EIF4EBP2: variants seen among roughly 807,000 people sequenced by gnomAD.
EIF4EBP2 encodes eukaryotic translation initiation factor 4E binding protein 2.
In EIF4EBP2, 5 loss-of-function variants were observed where a neutral mutation model predicts 10.3. That is an observed-to-expected ratio of 0.48 (90% CI 0.25 to 1.02). The LOEUF is 1.02. EIF4EBP2 is among the 50% of genes least tolerant of loss of function. The pLI is 0.15. For synonymous variants in EIF4EBP2, 67 were observed against 61.1 expected, an observed-to-expected ratio of 1.10 and a Z score of -0.45; for missense variants, 188 against 162.2, an observed-to-expected ratio of 1.16 and a Z score of -0.86.
At chr10:70,407,022 C>T (rs912532665) in intron 1 of EIF4EBP2, among the ~76,000 whole-genome samples, 17 of 152,216 alleles carry the variant, frequency 1.1e-4, no homozygotes, top group African/African-American at 3.6e-4. Context: ...CTCAGCCTCC[C>T]GAGTAGCTGG....
intron 1 of EIF4EBP2, among the ~76,000 whole-genome samples, chr10:70,406,619 A>G (rs1308163174): frequency 6.6e-6 from 1 of 152,240 alleles, no homozygotes; most frequent in East Asian, 1.9e-4. Flanking sequence ...AAATAAGGGC[A>G]TAGTCTTTAA....
rs991299871 is a variant in EIF4EBP2 at position 70,428,378 on chromosome 10, TCTTCC to T, written c.*6635_*6639del. Reference sequence around the variant, plus strand: ...CGGAGACTGCCAGCACTTTCCTTGGTCTTCCCTTTGTCTCCCATGATGTGTTGTTC... The same window carrying T: ...CGGAGACTGCCAGCACTTTCCTTGGTCTTTGTCTCCCATGATGTGTTGTTC... On this transcript the variant is annotated 3_prime_UTR_variant, in exon 3 of 3. Transcript: ENST00000373218. The T allele has an allele frequency of 4.9e-4, 75 of 152,282 alleles. No individual in the cohort carries two copies. Among genetic ancestry groups the T allele is most frequent in the African/African-American group, 1.7e-3 (72 of 41,544 alleles). The allele number at this position is 152,282 out of a possible 1,614,324, so 9.4% of individuals were successfully genotyped here.
At chr10:70,407,087 T>G (rs1045156585) in intron 1 of EIF4EBP2, among the ~76,000 whole-genome samples, 1 of 151,346 alleles carries the variant, frequency 6.6e-6, no homozygotes, top group African/African-American at 2.4e-5. Context: ...TTAGTAGAGA[T>G]AGGGTTTCAC....
At chr10:70,421,383 C>G (rs772541606) in intron 2 of EIF4EBP2, among the ~76,000 whole-genome samples, 2 of 152,114 alleles carry the variant, frequency 1.3e-5, no homozygotes, top group Non-Finnish European at 2.9e-5. Context: ...GGAGCAGGGC[C>G]AAAGTCCAAA....
chr10:70,404,656 C>G (rs1564659403), intron 1 of EIF4EBP2, 110 bp downstream of exon 1: 7 of 1,332,582 alleles, frequency 5.3e-6, no homozygotes, highest in Middle Eastern at 5.5e-4. Context: ...CCACCGAAGC[C>G]CCGGGGACGC....
rs752921456 is a variant in EIF4EBP2 at position 70,426,866 on chromosome 10, C to T, written c.*5119C>T. On this transcript the variant is annotated 3_prime_UTR_variant, in exon 3 of 3. Transcript: ENST00000373218. Reference sequence around the variant, plus strand: ...AGCTCAAACACCATTAGTTAAATTCCTTCATTCTCATTAGAATGCAGCCTG... The same window carrying T: ...AGCTCAAACACCATTAGTTAAATTCTTTCATTCTCATTAGAATGCAGCCTG... 7 of 152,206 alleles carry T rather than the reference C, an allele frequency of 4.6e-5. No individual in the cohort carries two copies. The highest frequency in any genetic ancestry group is 1.0e-4 in the Non-Finnish European group (7 of 68,040). 9.4% of individuals were successfully genotyped at this position (152,206 alleles called of 1,614,324 possible).
chr10:70,411,250 G>A (rs896158960), intron 1 of EIF4EBP2, among the ~76,000 whole-genome samples: 3 of 152,052 alleles, frequency 2.0e-5, no homozygotes, highest in Non-Finnish European at 2.9e-5. Flanking sequence ...CGCAGCCTCC[G>A]GCAGCTAATC....
rs1845188570 is a variant in EIF4EBP2 at position 70,424,535 on chromosome 10, C to T, written c.*2788C>T. The stretch of plus-strand genomic sequence containing the variant: ...GAGTCCATTGAGTGGTTTACCTCTG[C>T]ATGTTTGGAGGGAACCTCACAGATG... On this transcript the variant is annotated 3_prime_UTR_variant, in exon 3 of 3. Transcript: ENST00000373218. 3 of 152,202 alleles carry T rather than the reference C, an allele frequency of 2.0e-5. No individual in the cohort carries two copies. The South Asian group carries it at 6.2e-4, about 32-fold the overall frequency. 9.4% of individuals were successfully genotyped at this position (152,202 alleles called of 1,614,324 possible). A position where few individuals can be genotyped will look rare whatever the true frequency, so the allele number is the denominator to read the frequency against.
chr10:70,408,506 G>C (rs1467402724), intron 1 of EIF4EBP2, among the ~76,000 whole-genome samples: 1 of 152,194 alleles, frequency 6.6e-6, no homozygotes, highest in Non-Finnish European at 1.5e-5. Context: ...TTACAGCAAT[G>C]AATACTGTTT....
chr10:70,404,300 G>A lies in EIF4EBP2; in HGVS notation c.-102G>A, dbSNP rs1422447088. On this transcript the variant is annotated 5_prime_UTR_variant, in exon 1 of 3. Coordinates refer to ENST00000373218, the MANE Select transcript of EIF4EBP2 (RefSeq NM_004096.5). ...GAACGGGAGGAAGCGAGCGAGGAGC[G>A]CGCAGAGCGCGCTTTTCCGTCCGCC... 7.3e-6 allele frequency: 10 copies of A among 1,376,884 alleles called. No homozygotes were observed. In the East Asian group the frequency reaches 2.7e-4, roughly 38 times the overall value. 85.3% of individuals were successfully genotyped at this position (1,376,884 alleles called of 1,614,324 possible).
intron 1 of EIF4EBP2, among the ~76,000 whole-genome samples, chr10:70,407,733 C>G (rs1429165867): frequency 7.7e-6 from 1 of 130,610 alleles, no homozygotes; most frequent in Non-Finnish European, 1.6e-5. Flanking sequence ...GGGGCTGACC[C>G]CCCCCCCACC....
chr10:70,410,719 A>G (rs570056082), intron 1 of EIF4EBP2, among the ~76,000 whole-genome samples: 1 of 152,174 alleles, frequency 6.6e-6, no homozygotes, highest in Non-Finnish European at 1.5e-5. Context: ...ATTTTCCCTT[A>G]TGGGGGTGGG....
chr10:70,427,139 G>C lies in EIF4EBP2; in HGVS notation c.*5392G>C, dbSNP rs1323752552. On this transcript the variant is annotated 3_prime_UTR_variant, in exon 3 of 3. Transcript: ENST00000373218. ...GTCTGGTTCAGAGCTCTTCCTTCTT[G>C]GCATGTTTTCTGGACTACATGCACA... is the stretch of plus-strand genomic sequence containing the variant. The C allele has an allele frequency of 6.6e-6, 1 of 151,988 alleles. No homozygotes were observed. The highest frequency in any genetic ancestry group is 2.4e-5 in the African/African-American group (1 of 41,370). The allele number at this position is 151,988 out of a possible 1,614,324, so 9.4% of individuals were successfully genotyped here. A position where few individuals can be genotyped will look rare whatever the true frequency, so the allele number is the denominator to read the frequency against.
chr10:70,406,684 C>T (rs1384681604), intron 1 of EIF4EBP2, among the ~76,000 whole-genome samples: 1 of 150,774 alleles, frequency 6.6e-6, no homozygotes, highest in Non-Finnish European at 1.5e-5. Flanking sequence ...TCTTAAAGTG[C>T]TTGCAAAGAG....
chr10:70,420,397 C>T (rs769211162), intron 2 of EIF4EBP2, among the ~76,000 whole-genome samples: 7 of 152,050 alleles, frequency 4.6e-5, no homozygotes, highest in African/African-American at 9.6e-5. Flanking sequence ...GACGGGGTTT[C>T]GCCATGTTGC....
At chr10:70,419,832 G>A (rs927937981) in intron 1 of EIF4EBP2, 82 bp from the exon 2 acceptor site, 38 of 1,011,098 alleles carry the variant, frequency 3.8e-5, no homozygotes, top group Non-Finnish European at 5.3e-5. Context: ...GATTACATGG[G>A]ATTTAAATTA....
At chr10:70,413,928 T>TAAGGTTCCTTCTTCAGAAAC (rs1181307376) in intron 1 of EIF4EBP2, among the ~76,000 whole-genome samples, 4 of 152,230 alleles carry the variant, frequency 2.6e-5, no homozygotes, top group Non-Finnish European at 4.4e-5. Context: ...TTCAGTAGCT[T>TAAGGTTCCTTCTTCAGAAAC]AAGGTTAACT....
intron 1 of EIF4EBP2, among the ~76,000 whole-genome samples, chr10:70,405,313 G>A (rs1844955274): frequency 6.6e-6 from 1 of 152,222 alleles, no homozygotes; most frequent in Admixed American, 6.5e-5. Flanking sequence ...TTGATCCTGT[G>A]GAAGGGGCTA....
intron 1 of EIF4EBP2, among the ~76,000 whole-genome samples, chr10:70,407,073 A>G (rs564363664): frequency 8.4e-4 from 120 of 142,924 alleles, no homozygotes; most frequent in Non-Finnish European, 1.5e-3. Flanking sequence ...AATTTTTTGT[A>G]TTTTTAGTAG....
Sources: gnomAD v4.1 joint callset for allele counts (sites outside exome capture counted in the v4.1 genomes callset) on GRCh38, gnomAD v4.1.1 for gene constraint, MANE v1.5 for transcripts, NCBI Gene and HGNC (gene_info 2026-07-23, HGNC 2026-07-21) for gene names.